GIP: variants seen among roughly 807,000 people sequenced by gnomAD.
The protein encoded by GIP is glucose-dependent insulinotropic polypeptide.
A neutral mutation model predicts 18.1 loss-of-function variants in GIP; 16 were observed. The ratio of observed to expected loss-of-function variants is 0.88; its 90% confidence interval spans 0.60 to 1.34. The LOEUF (loss-of-function observed/expected upper bound fraction) is 1.34, where lower values mean the gene tolerates loss of function less well. GIP is among the 40% of genes most tolerant of loss of function. The probability of loss-of-function intolerance (pLI) is 0.00; values close to 1 mark genes in which losing one functional copy is unlikely to be tolerated. For synonymous variants in GIP, 76 were observed against 74.0 expected (o/e 1.03, Z -0.14); for missense variants, 192 against 183.4 (o/e 1.05, Z -0.27).
At position 48,967,711 on chromosome 17, in the gene GIP, T is replaced by C. The variant is rs546990587; in HGVS notation, c.-21-458A>G. ...CAACACCATGGGGGAAGATGAGGGG[T>C]GCTGTGCACTGGAGTTAGTGACTAG... On this transcript the variant is annotated intron_variant, in intron 1 of 5. Transcript: ENST00000357424. Among the ~76,000 whole-genome samples the C allele has an allele frequency of 9.9e-5, 15 of 151,548 alleles. No individual in the cohort carries two copies. In the South Asian group the frequency reaches 2.9e-3, roughly 30 times the overall value.
intron 1 of GIP, among the ~76,000 whole-genome samples, chr17:48,968,158 T>C (rs2041245483): frequency 6.6e-6 from 1 of 152,066 alleles, no homozygotes; most frequent in African/African-American, 2.4e-5. Context: ...AGTGACACAA[T>C]CGTGGCTCAC....
At chr17:48,967,126 C>G (rs745829901) in intron 2 of GIP, 21 bp downstream of exon 2, 37 of 1,567,850 alleles carry the variant, frequency 2.4e-5, no homozygotes, top group Non-Finnish European at 3.3e-5. Context: ...TGCCCCATCC[C>G]TTTCCTCTCA....
intron 3 of GIP, among the ~76,000 whole-genome samples, chr17:48,964,029 A>G (rs949133429): frequency 2.0e-5 from 3 of 148,400 alleles, no homozygotes; most frequent in African/African-American, 5.0e-5. Flanking sequence ...GCATGGTGGC[A>G]GTTGCCTGTA....
intron 3 of GIP, 54 bp downstream of exon 3, chr17:48,964,256 G>A: frequency 1.4e-6 from 2 of 1,451,436 alleles, no homozygotes; most frequent in East Asian, 2.3e-5. Context: ...TCCTCTGAAG[G>A]TAGGAAGGCA....
In GIP at chr17:48,958,693, G is replaced by A; in HGVS notation, c.*14C>T. 1 of 1,580,216 alleles carries A rather than the reference G, an allele frequency of 6.3e-7. No individual in the cohort carries two copies. Among genetic ancestry groups the A allele is most frequent in the Non-Finnish European group, 8.6e-7 (1 of 1,162,600 alleles). On this transcript the variant is annotated 3_prime_UTR_variant, in exon 6 of 6. Transcript: ENST00000357424. ...GAAGGGCAGAATCCAGTCCTGAGCT[G>A]GGTGTGGTCAGAGTCACCGAGACCT...
In GIP at chr17:48,960,551, T is replaced by A. The variant is rs1039625208; in HGVS notation, c.452+335A>T. On this transcript the variant is annotated intron_variant, in intron 5 of 5. Coordinates refer to ENST00000357424, the MANE Select transcript of GIP (RefSeq NM_004123.3). ...AGGTAGGGATAGGCAGGGGAGAGCA[T>A]CACCTCGCCTGGAAGAGTGAGGAAG... Among the ~76,000 whole-genome samples, 12 of 152,098 alleles carry A rather than the reference T, an allele frequency of 7.9e-5. No homozygotes were observed. In the South Asian group the frequency reaches 2.3e-3, roughly 29 times the overall value.
intron 5 of GIP, 108 bp downstream of exon 5, chr17:48,960,778 T>G (rs2041196208): frequency 1.4e-6 from 1 of 727,894 alleles, no homozygotes; most frequent in African/African-American, 1.7e-5. Flanking sequence ...AACACTGAGG[T>G]TCAGAAAGGC....
chr17:48,964,451 T>C lies in GIP; in HGVS notation c.116A>G (p.His39Arg). ...AGGTTGAGGGCTGCTCACCTTAGCA[T>C]GAGATCCAACAGGCAGGGAGGGGAG... is the stretch of plus-strand genomic sequence containing the variant. ...SALPSLPVGSHAKVSSPQPRG... is the reference protein window; with the variant it reads ...SALPSLPVGSRAKVSSPQPRG... The change falls in exon 3 of 6, where the codon CAT (histidine) becomes CGT (arginine). Residue 39 changes from histidine to arginine, a missense_variant. Physicochemically the swap from His to Arg is conservative, Grantham distance 29 (BLOSUM62 0). Transcript: ENST00000357424. 1 of 1,613,820 alleles carries C rather than the reference T, an allele frequency of 6.2e-7. No homozygotes were observed. The highest frequency in any genetic ancestry group is 1.1e-5 in the South Asian group (1 of 91,066).
chr17:48,967,066 A>C (rs2041239073), intron 2 of GIP, 81 bp downstream of exon 2: 21 of 1,050,908 alleles, frequency 2.0e-5, no homozygotes, highest in South Asian at 1.8e-4. Context: ...TCCCTTTCTC[A>C]TCTCCCCCTA....
chr17:48,966,789 G>A (rs1426072160), intron 2 of GIP, among the ~76,000 whole-genome samples: 1 of 151,976 alleles, frequency 6.6e-6, no homozygotes, highest in Non-Finnish European at 1.5e-5. Context: ...CTGGGCGACA[G>A]GGCAAGATCC....
At chr17:48,960,662 C>CTTTTTTTTCTTTTG (rs2041195500) in intron 5 of GIP, among the ~76,000 whole-genome samples, 2 of 151,978 alleles carry the variant, frequency 1.3e-5, no homozygotes, top group African/African-American at 4.8e-5. Context: ...CTTGAATTGT[C>CTTTTTTTTCTTTTG]TTTTTTTTCT....
intron 5 of GIP, 140 bp from the exon 6 acceptor site, chr17:48,958,856 CTTTTT>C: frequency 3.0e-5 from 13 of 426,354 alleles, no homozygotes; most frequent in Non-Finnish European, 5.0e-5. Flanking sequence ...TATCAATTTA[CTTTTT>C]TTTTTTTTTT....
chr17:48,959,831 CGG>C (rs1567795998), intron 5 of GIP, among the ~76,000 whole-genome samples: 868 of 74,362 alleles, frequency 0.012, no homozygotes, highest in Admixed American at 0.015. Flanking sequence ...GGGCTCAGCT[CGG>C]TGGGTAGGGA....
chr17:48,965,644 T>C (rs2143852633), intron 2 of GIP, among the ~76,000 whole-genome samples: 1 of 147,666 alleles, frequency 6.8e-6, no homozygotes, highest in East Asian at 2.0e-4. Context: ...TCCCCTCATC[T>C]GAAAAGACTG....
At chr17:48,966,203 G>C (rs1006858957) in intron 2 of GIP, among the ~76,000 whole-genome samples, 2 of 148,298 alleles carry the variant, frequency 1.3e-5, no homozygotes, top group African/African-American at 5.0e-5. Context: ...GTTGCAGTGA[G>C]CCAAGATCGC....
intron 1 of GIP, among the ~76,000 whole-genome samples, chr17:48,968,008 C>T (rs2041244492): frequency 6.6e-6 from 1 of 151,908 alleles, no homozygotes; most frequent in South Asian, 2.1e-4. Context: ...GCCGAGATTG[C>T]GCCAGTGCAC....
intron 3 of GIP, among the ~76,000 whole-genome samples, chr17:48,963,674 A>G (rs2143849325): frequency 6.6e-6 from 1 of 151,464 alleles, no homozygotes; most frequent in South Asian, 2.1e-4. Flanking sequence ...GAACAACAAA[A>G]AAATACAAAA....
At chr17:48,962,723 G>C (rs867934758) in intron 3 of GIP, among the ~76,000 whole-genome samples, 13 of 152,146 alleles carry the variant, frequency 8.5e-5, no homozygotes, top group African/African-American at 2.9e-4. Flanking sequence ...GCAGTCATTA[G>C]AAGGAGCTCG....
At position 48,958,711 on chromosome 17, in the gene GIP, C is replaced by T. The variant is rs138965281; in HGVS notation, c.458G>A (p.Arg153Gln). 343 of 1,582,082 alleles carry T rather than the reference C, an allele frequency of 2.2e-4. 2 individuals carry two copies. The African/African-American group carries it at 4.2e-3, about 19-fold the overall frequency. The change falls in exon 6 of 6, where the codon CGG becomes CAG. Residue 153 changes from arginine to glutamine, a missense_variant. Transcript: ENST00000357424. ...DQTNLCRLRS[R>Q] ...CTGAGCTGGGTGTGGTCAGAGTCAC[C>T]GAGACCTGGGGAGAGTGGGGAAAGG...
Sources: gnomAD v4.1 joint callset for allele counts (sites outside exome capture counted in the v4.1 genomes callset) on GRCh38, gnomAD v4.1.1 for gene constraint, MANE v1.5 for transcripts, NCBI Gene and HGNC (gene_info 2026-07-23, HGNC 2026-07-21) for gene names.